Variants in CDC40 observed in about 807,000 individuals in gnomAD.
The protein encoded by CDC40 is cell division cycle 40.
In CDC40, 27 loss-of-function variants were observed where a neutral mutation model predicts 80.6. The observed-to-expected ratio is 0.33, with a 90% CI of 0.25 to 0.46. CDC40 has a LOEUF of 0.46. CDC40 is among the 20% of genes least tolerant of loss of function. The pLI, the probability that CDC40 is intolerant of heterozygous loss-of-function variation, is 1.00. For missense variants in CDC40, 486 were observed against 694.1 expected (o/e 0.70, Z 3.37); for synonymous variants, 221 against 232.6 (o/e 0.95, Z 0.45).
At chr6:110,222,484 G>T (rs899094941) in intron 12 of CDC40, among the ~76,000 whole-genome samples, 1 of 152,158 alleles carries the variant, frequency 6.6e-6, no homozygotes, top group Non-Finnish European at 1.5e-5. Context: ...TTGAACCCGG[G>T]AGGTGGAGGT....
intron 2 of CDC40, among the ~76,000 whole-genome samples, chr6:110,198,357 C>T (rs770053165): frequency 4.0e-5 from 6 of 151,862 alleles, no homozygotes; most frequent in Non-Finnish European, 8.8e-5. Context: ...TTGTATTTTT[C>T]ATAGAGATAG....
At chr6:110,219,170 C>T (rs986618474) in intron 10 of CDC40, among the ~76,000 whole-genome samples, 194 bp from the exon 11 acceptor site, 1 of 151,802 alleles carries the variant, frequency 6.6e-6, no homozygotes, top group Non-Finnish European at 1.5e-5. Flanking sequence ...TTGGTAGTAC[C>T]GATTTACTTT....
intron 2 of CDC40, among the ~76,000 whole-genome samples, chr6:110,196,187 C>T (rs906936522): frequency 6.6e-6 from 1 of 152,154 alleles, no homozygotes; most frequent in Admixed American, 6.5e-5. Context: ...AGATTTGAGT[C>T]CAGATCACTC....
intron 8 of CDC40, among the ~76,000 whole-genome samples, chr6:110,214,073 T>C (rs1474419807): frequency 6.6e-6 from 1 of 152,162 alleles, no homozygotes; most frequent in Non-Finnish European, 1.5e-5. Flanking sequence ...AATTCATGGA[T>C]ATTAACAATA....
At chr6:110,218,885 A>G (rs1156292956) in intron 10 of CDC40, among the ~76,000 whole-genome samples, 1 of 148,294 alleles carries the variant, frequency 6.7e-6, no homozygotes, top group Non-Finnish European at 1.5e-5. Context: ...ATCAAGATCT[A>G]GAACATTTGC....
At chr6:110,220,254 A>G (rs1777751292) in intron 12 of CDC40, among the ~76,000 whole-genome samples, 1 of 152,086 alleles carries the variant, frequency 6.6e-6, no homozygotes, top group African/African-American at 2.4e-5. Flanking sequence ...ATAGTGGTGT[A>G]TATCTTAATT....
intron 13 of CDC40, among the ~76,000 whole-genome samples, chr6:110,226,447 A>C (rs1331100389): frequency 2.0e-5 from 3 of 152,178 alleles, no homozygotes; most frequent in Non-Finnish European, 4.4e-5. Flanking sequence ...TCTCTTTTTA[A>C]ATAAAAATAA....
intron 4 of CDC40, 84 bp from the exon 5 acceptor site, chr6:110,209,000 T>A (rs1474973407): frequency 4.6e-6 from 4 of 864,470 alleles, no homozygotes; most frequent in Non-Finnish European, 7.0e-6. Context: ...AAAATAAAAT[T>A]AAACATATGT....
At chr6:110,225,731 G>A (rs1240774369) in intron 12 of CDC40, among the ~76,000 whole-genome samples, 5 of 151,950 alleles carry the variant, frequency 3.3e-5, no homozygotes, top group African/African-American at 7.3e-5. Context: ...ACCCTACCAT[G>A]GTACATTTTT....
chr6:110,190,810 G>A (rs1330017971), intron 1 of CDC40, among the ~76,000 whole-genome samples: 1 of 152,024 alleles, frequency 6.6e-6, no homozygotes, highest in Non-Finnish European at 1.5e-5. Flanking sequence ...CCTTCTGGGA[G>A]GGCAGAATAT....
rs1777727542 is a variant in CDC40 at position 110,218,461 on chromosome 6, CTAT to C, written c.1090+665_1090+667del. 3.3e-5 allele frequency among the ~76,000 whole-genome samples: 5 copies of C among 152,238 alleles called. No individual in the cohort carries two copies. The South Asian group carries it at 1.0e-3, about 32-fold the overall frequency. ...TTAATTTATCCCTATGAGGTAAGTA[CTAT>C]TATTATATTATAGATAAGGAAACTG... is the stretch of plus-strand genomic sequence containing the variant. On this transcript the variant is annotated intron_variant, in intron 10 of 14. Transcript: ENST00000307731.
At chr6:110,211,680 C>G (rs1777639110) in intron 6 of CDC40, 1 of 152,696 alleles carries the variant, frequency 6.5e-6, no homozygotes. Flanking sequence ...TGAAAAGGAA[C>G]TGGAAGGGCA....
chr6:110,180,831 GC>G (rs1159046849), intron 1 of CDC40, among the ~76,000 whole-genome samples, 198 bp downstream of exon 1: 1 of 152,216 alleles, frequency 6.6e-6, no homozygotes, highest in African/African-American at 2.4e-5. Context: ...GATGCTCTCT[GC>G]CCTTGCCTCC....
chr6:110,213,746 T>C (rs1777666739), intron 8 of CDC40, among the ~76,000 whole-genome samples: 1 of 152,208 alleles, frequency 6.6e-6, no homozygotes, highest in Admixed American at 6.5e-5. Flanking sequence ...ATTCATCCTT[T>C]TTCTTCTAAA....
chr6:110,195,879 T>C (rs753344418), intron 2 of CDC40, among the ~76,000 whole-genome samples: 10 of 152,340 alleles, frequency 6.6e-5, no homozygotes, highest in Admixed American at 2.0e-4. Flanking sequence ...AGTTTTATCT[T>C]GATTTAATCA....
intron 2 of CDC40, among the ~76,000 whole-genome samples, chr6:110,196,660 G>A (rs1777422727): frequency 1.3e-5 from 2 of 152,112 alleles, no homozygotes; most frequent in South Asian, 4.1e-4. Flanking sequence ...TTAATGTTAT[G>A]ATGAACTTTA....
chr6:110,214,425 A>G (rs187819159), intron 8 of CDC40, among the ~76,000 whole-genome samples: 1 of 152,368 alleles, frequency 6.6e-6, no homozygotes, highest in African/African-American at 2.4e-5. Context: ...GAGGAAGCAT[A>G]CCTTAGTAAG....
At chr6:110,199,894 G>A (rs866430544) in intron 2 of CDC40, among the ~76,000 whole-genome samples, 14 of 152,046 alleles carry the variant, frequency 9.2e-5, no homozygotes, top group Non-Finnish European at 1.3e-4. Context: ...ATAGCTGACC[G>A]TAGCGGGTAG....
Position 110,210,726 on chromosome 6 carries a change from A to G in CDC40, c.650A>G (p.Asp217Gly). The change falls in exon 6 of 15, where the codon GAT becomes GGT. Residue 217 changes from aspartate (D) to glycine (G), a missense_variant. Physicochemically the swap from Asp to Gly is moderately conservative, Grantham distance 94. Around this residue, in one of 3 missense-constraint regions of CDC40, gnomAD observed 381 missense variants for 492.1 expected, o/e 0.77. Transcript: ENST00000307731. The stretch of plus-strand genomic sequence containing the variant: ...TCTTAGGAAGAGCAAAAAGAATTGG[A>G]TGAAATCACAGCAAAGAGGCAGAAA... ...KPSEEEQKEL[D>G]EITAKRQKKG... The G allele has an allele frequency of 6.4e-7, 1 of 1,573,340 alleles. No individual in the cohort carries two copies. Among genetic ancestry groups the G allele is most frequent in the South Asian group, 1.2e-5 (1 of 83,984 alleles).
Sources: gnomAD v4.1 joint callset for allele counts (sites outside exome capture counted in the v4.1 genomes callset) on GRCh38, gnomAD v4.1.1 for gene constraint, gnomAD v4.1.1 regional missense constraint, MANE v1.5 for transcripts, NCBI Gene and HGNC (gene_info 2026-07-23, HGNC 2026-07-21) for gene names.